Variants in PCDH15 observed in about 807,000 individuals in gnomAD.
The protein encoded by PCDH15 is protocadherin-15.
Under a neutral mutation model 178.5 loss-of-function variants are expected in PCDH15, and 129 were observed. That is an observed-to-expected ratio of 0.72 (90% CI 0.63 to 0.84). The LOEUF is 0.84. PCDH15 is among the 40% of genes least tolerant of loss of function. The pLI, the probability that PCDH15 is intolerant of heterozygous loss-of-function variation, is 0.00. For synonymous variants in PCDH15, 800 were observed against 732.0 expected, an observed-to-expected ratio of 1.09 and a Z score of -1.50; for missense variants, 2,230 against 2,099.9, an observed-to-expected ratio of 1.06 and a Z score of -1.21.
intron 15 of PCDH15, among the ~76,000 whole-genome samples, chr10:54,098,677 T>C (rs867252226): frequency 6.6e-6 from 1 of 152,208 alleles, no homozygotes; most frequent in African/African-American, 2.4e-5. Context: ...CTGTGCATAG[T>C]AGTATTTGGC....
intron 2 of PCDH15, among the ~76,000 whole-genome samples, chr10:54,626,339 C>G (rs972539076): frequency 6.6e-6 from 1 of 152,172 alleles, no homozygotes; most frequent in Admixed American, 6.5e-5. Context: ...GAGGTCTTCA[C>G]AGCAGGCCCT....
In PCDH15 at chr10:54,363,074, A is replaced by G. The variant is rs186217960; in HGVS notation, c.474+6046T>C. 7.3e-3 allele frequency among the ~76,000 whole-genome samples: 1,118 copies of G among 152,210 alleles called. 17 individuals are homozygous for G. Among genetic ancestry groups the G allele is most frequent in the African/African-American group, 0.026 (1,078 of 41,558 alleles). ...TATATGTTATAGGATATTTTTCTGT[A>G]TGATAACTGTGCCATTCCTAATTTA... On this transcript the variant is annotated intron_variant, in intron 5 of 37. Coordinates refer to ENST00000644397, the MANE Select transcript of PCDH15 (RefSeq NM_001384140.1).
At chr10:54,610,570 G>A (rs986790548) in intron 2 of PCDH15, among the ~76,000 whole-genome samples, 3 of 151,814 alleles carry the variant, frequency 2.0e-5, no homozygotes, top group African/African-American at 7.2e-5. Context: ...TAATATCTGA[G>A]GCTAGACAAA....
intron 3 of PCDH15, among the ~76,000 whole-genome samples, chr10:54,474,247 A>G (rs936718435): frequency 2.0e-5 from 3 of 151,920 alleles, no homozygotes; most frequent in African/African-American, 7.2e-5. Flanking sequence ...TTAGAATGAT[A>G]CCAAAGCTTA....
At chr10:54,028,968 C>T (rs1245269685) in intron 18 of PCDH15, among the ~76,000 whole-genome samples, 1 of 151,808 alleles carries the variant, frequency 6.6e-6, no homozygotes, top group African/African-American at 2.4e-5. Flanking sequence ...CAATATCCCC[C>T]AGAAAGCTAC....
At position 55,440,079 on chromosome 10, in the gene PCDH15, A is replaced by C. The variant is rs368358933; in HGVS notation, c.-156+187546T>G. ...ACGAAAACTTGACGCTGTTATATAA[A>C]AGACACATTTTACTTGTAATTGGAA... On this transcript the variant is annotated intron_variant, in intron 2 of 5. Coordinates refer to the PCDH15 transcript ENST00000613346. Among the ~76,000 whole-genome samples, 63 of 152,328 alleles carry C rather than the reference A, an allele frequency of 4.1e-4. No individual in the cohort carries two copies. The East Asian group carries it at 8.5e-3, about 21-fold the overall frequency.
intron 2 of PCDH15, among the ~76,000 whole-genome samples, chr10:55,143,044 G>A (rs1044117805): frequency 6.6e-6 from 1 of 152,000 alleles, no homozygotes; most frequent in African/African-American, 2.4e-5. Flanking sequence ...TCTCAGGAGA[G>A]CTGATGATTT....
Position 53,823,257 on chromosome 10 carries a change from A to G in PCDH15, c.4368-3027T>C, listed in dbSNP as rs1413768011. 6.2e-7 allele frequency: 1 copy of G among 1,614,030 alleles called. No homozygotes were observed. ...TACATGAGCTGACTTGTGAGCCTCA[A>G]TAGTATTGGAAGAAAAGGGCATCAC... On this transcript the variant is annotated intron_variant, in intron 32 of 37. Transcript: ENST00000644397.
At chr10:54,652,338 G>A (rs142962441) in intron 2 of PCDH15, among the ~76,000 whole-genome samples, 1 of 152,282 alleles carries the variant, frequency 6.6e-6, no homozygotes, top group East Asian at 1.9e-4. Flanking sequence ...GCATTGCTCA[G>A]TGACTAAGGC....
chr10:53,830,966 T>C (rs1231202096), intron 30 of PCDH15, among the ~76,000 whole-genome samples: 1 of 152,202 alleles, frequency 6.6e-6, no homozygotes, highest in Non-Finnish European at 1.5e-5. Context: ...GGTATCCGCA[T>C]ATGACATTCC....
At chr10:54,419,249 C>CACAA (rs986793398) in intron 3 of PCDH15, among the ~76,000 whole-genome samples, 14 of 151,682 alleles carry the variant, frequency 9.2e-5, no homozygotes, top group African/African-American at 3.4e-4. Context: ...TACATACACA[C>CACAA]ACACACACAC....
At chr10:55,605,328 C>G (rs969613673) in intron 2 of PCDH15, among the ~76,000 whole-genome samples, 8 of 152,112 alleles carry the variant, frequency 5.3e-5, no homozygotes, top group African/African-American at 1.7e-4. Context: ...CAAGGAGGAA[C>G]TGGTACCATT....
chr10:55,025,937 T>C (rs925365321), intron 2 of PCDH15, among the ~76,000 whole-genome samples: 4 of 152,030 alleles, frequency 2.6e-5, no homozygotes, highest in African/African-American at 9.7e-5. Context: ...TATTTATAAG[T>C]CATTTCACAA....
chr10:54,253,036 A>G (rs915595021), intron 8 of PCDH15, among the ~76,000 whole-genome samples: 1 of 152,072 alleles, frequency 6.6e-6, no homozygotes, highest in African/African-American at 2.4e-5. Context: ...TAAAATAATT[A>G]CAACATGTTA....
At chr10:55,222,730 C>CACATATATAT in intron 1 of PCDH15, among the ~76,000 whole-genome samples, 5 of 121,276 alleles carry the variant, frequency 4.1e-5, no homozygotes, top group African/African-American at 1.4e-4. Flanking sequence ...CACACACACA[C>CACATATATAT]ATATATATAT....
chr10:54,561,131 G>C (rs2088083170), intron 2 of PCDH15, among the ~76,000 whole-genome samples: 1 of 152,004 alleles, frequency 6.6e-6, no homozygotes, highest in African/African-American at 2.4e-5. Flanking sequence ...AAAATTAAAA[G>C]ACGCTTAAAC....
At chr10:55,098,426 T>C (rs1842493601) in intron 2 of PCDH15, among the ~76,000 whole-genome samples, 1 of 152,158 alleles carries the variant, frequency 6.6e-6, no homozygotes, top group South Asian at 2.1e-4. Context: ...CCAAATAATT[T>C]TCTCTTCTAA....
At chr10:55,614,424 C>G (rs1461575803) in intron 2 of PCDH15, among the ~76,000 whole-genome samples, 1 of 152,022 alleles carries the variant, frequency 6.6e-6, no homozygotes, top group Non-Finnish European at 1.5e-5. Flanking sequence ...GAAAGAAAAC[C>G]AAGTAGCTAC....
At chr10:53,970,730 A>C (rs2446604) in intron 21 of PCDH15, among the ~76,000 whole-genome samples, 106,725 of 151,406 alleles carry the variant, frequency 0.7, 37,996 homozygotes, top group East Asian at 0.87. Context: ...CCTCCCAAGA[A>C]TAAACTAGGA....
Sources: allele counts gnomAD v4.1 joint callset (sites outside exome capture counted in the v4.1 genomes callset), GRCh38; gene constraint gnomAD v4.1.1; transcripts MANE v1.5; gene names NCBI Gene and HGNC (gene_info 2026-07-23, HGNC 2026-07-21).